Variants in FBN1 observed in about 807,000 individuals in gnomAD.
The protein encoded by FBN1 is fibrillin 1, also known as fibrillin-1.
FBN1 carries 29 observed loss-of-function variants against 365.1 expected under a neutral mutation model. The observed-to-expected ratio is 0.08, with a 90% CI of 0.06 to 0.11. FBN1 has a LOEUF of 0.11. Among genes scored for constraint, FBN1 ranks in the 10% least tolerant of loss-of-function variants. The pLI, the probability that FBN1 is intolerant of heterozygous loss-of-function variation, is 1.00. For synonymous variants in FBN1, 1,210 were observed against 1,270.5 expected (o/e 0.95, Z 1.01); for missense variants, 2,476 against 3,703.2 (o/e 0.67, Z 8.60).
At chr15:48,434,807 T>C in intron 53 of FBN1, 94 bp from the exon 54 acceptor site, 3 of 1,498,480 alleles carry the variant, frequency 2.0e-6, no homozygotes, top group Non-Finnish European at 2.7e-6. Context: ...TTGTTGTTGT[T>C]GTTGTTTTGA....
intron 6 of FBN1, among the ~76,000 whole-genome samples, chr15:48,562,519 A>G (rs556725519): frequency 1.8e-3 from 279 of 152,328 alleles, no homozygotes; most frequent in Admixed American, 3.6e-3. Flanking sequence ...CGCCATCAGC[A>G]AAGGGAAATG....
chr15:48,581,611 C>T (rs550008044), intron 6 of FBN1, among the ~76,000 whole-genome samples: 26 of 152,118 alleles, frequency 1.7e-4, no homozygotes, highest in African/African-American at 6.3e-4. Context: ...CTAAATATTG[C>T]CTAGTTCCCT....
rs530594814 is a variant in FBN1, at chr15:48,577,011, C to T, written c.538+19272G>A. Among the ~76,000 whole-genome samples, 3 of 152,158 alleles carry T rather than the reference C, an allele frequency of 2.0e-5. No homozygotes were observed. In the South Asian group the frequency reaches 6.2e-4, roughly 32 times the overall value. On this transcript the variant is annotated intron_variant, in intron 6 of 65. Coordinates refer to ENST00000316623, the MANE Select transcript of FBN1 (RefSeq NM_000138.5). ...ATTCATGCTTTCCTGCATTAGCATC[C>T]CTTCCAATAGCAATTCTTTTAGAAC...
At chr15:48,522,042 T>C (rs1159927992) in intron 9 of FBN1, among the ~76,000 whole-genome samples, 1 of 152,278 alleles carries the variant, frequency 6.6e-6, no homozygotes, top group South Asian at 2.1e-4. Flanking sequence ...CAGCACTAGA[T>C]TCTCATAGGA....
At chr15:48,489,533 CCTT>C (rs1289436630) in intron 25 of FBN1, among the ~76,000 whole-genome samples, 1 of 152,072 alleles carries the variant, frequency 6.6e-6, no homozygotes, top group Non-Finnish European at 1.5e-5. Context: ...AACACCAAGT[CCTT>C]CTTCAGCAAT....
intron 2 of FBN1, among the ~76,000 whole-genome samples, chr15:48,628,329 G>A (rs1335630691): frequency 6.6e-6 from 1 of 151,138 alleles, no homozygotes; most frequent in Non-Finnish European, 1.5e-5. Context: ...ATTCCTGAGA[G>A]AGCAATGCCG....
intron 32 of FBN1, among the ~76,000 whole-genome samples, chr15:48,475,536 C>T (rs981642955): frequency 6.6e-6 from 1 of 152,136 alleles, no homozygotes; most frequent in African/African-American, 2.4e-5. Flanking sequence ...CCCTCATAAT[C>T]AACTTTGTCA....
intron 60 of FBN1, among the ~76,000 whole-genome samples, chr15:48,423,374 T>G (rs1055117612): frequency 2.0e-5 from 3 of 152,156 alleles, no homozygotes; most frequent in Non-Finnish European, 2.9e-5. Context: ...TCCCGAGACC[T>G]GTCCTAGTTC....
At chr15:48,501,688 A>T (rs2043659552) in intron 17 of FBN1, among the ~76,000 whole-genome samples, 1 of 152,196 alleles carries the variant, frequency 6.6e-6, no homozygotes, top group African/African-American at 2.4e-5. Flanking sequence ...AGGTTCCTGG[A>T]TTCTAAATCT....
chr15:48,525,034 A>G, intron 9 of FBN1, among the ~76,000 whole-genome samples: 1 of 152,172 alleles, frequency 6.6e-6, no homozygotes. Flanking sequence ...TTAATCTAGA[A>G]CACTGCACTT....
rs1012775082 is a variant in FBN1 at position 48,585,405 on chromosome 15, A to AT, written c.538+10877dup. On this transcript the variant is annotated intron_variant, in intron 6 of 65. Transcript: ENST00000316623. ...GAATATGGCAGGAAAGTTGGAGAAC[A>AT]TTTTTTTTCATGCGTTCACTTCCTA... Among the ~76,000 whole-genome samples, 12 of 152,242 alleles carry AT rather than the reference A, an allele frequency of 7.9e-5. No individual in the cohort carries two copies. The East Asian group carries it at 2.3e-3, about 29-fold the overall frequency.
intron 9 of FBN1, among the ~76,000 whole-genome samples, chr15:48,523,936 T>A (rs2043884498): frequency 6.6e-6 from 1 of 152,170 alleles, no homozygotes; most frequent in African/African-American, 2.4e-5. Context: ...TGGCCCTTAT[T>A]CTCAGGACCC....
At position 48,437,304 on chromosome 15, in the gene FBN1, C is replaced by A. The variant is rs2043081055; in HGVS notation, c.6379+18G>T. 3.7e-6 allele frequency: 6 copies of A among 1,600,518 alleles called. No individual in the cohort carries two copies. Among genetic ancestry groups the A allele is most frequent in the Non-Finnish European group, 4.3e-6 (5 of 1,168,006 alleles). ...GAGAATACTGAGAAATGCTGAGAAT[C>A]CAGCACAGGCAACTGACCAACTGCT... On this transcript the variant is annotated intron_variant, in intron 52 of 65. Coordinates refer to ENST00000316623, the MANE Select transcript of FBN1 (RefSeq NM_000138.5).
chr15:48,532,297 T>A (rs1484945902), intron 8 of FBN1, among the ~76,000 whole-genome samples: 1 of 152,246 alleles, frequency 6.6e-6, no homozygotes, highest in Admixed American at 6.5e-5. Flanking sequence ...TGAAGCTGAT[T>A]ATATATTCTG....
intron 53 of FBN1, among the ~76,000 whole-genome samples, chr15:48,436,642 T>G (rs1437435946): frequency 6.6e-6 from 1 of 152,220 alleles, no homozygotes; most frequent in Non-Finnish European, 1.5e-5. Context: ...TTTAAAAAAT[T>G]TCACAAAGAC....
intron 6 of FBN1, among the ~76,000 whole-genome samples, chr15:48,566,647 C>T (rs1445995839): frequency 2.0e-5 from 3 of 152,128 alleles, no homozygotes; most frequent in African/African-American, 7.2e-5. Context: ...GCAAATGAAA[C>T]CATAATTCTC....
At chr15:48,505,298 C>A (rs945429869) in intron 15 of FBN1, 151 bp from the exon 16 acceptor site, 4 of 913,178 alleles carry the variant, frequency 4.4e-6, no homozygotes, top group Middle Eastern at 6.2e-4. Flanking sequence ...TTCTCATTTT[C>A]CTTTGAAAGA....
In FBN1 at chr15:48,644,637, T is replaced by C. The variant is rs1597652333; in HGVS notation, c.133A>G (p.Arg45Gly). ...KETRASRAKR[R>G]GGGGHDALKG... Reference sequence around the variant, plus strand: ...AGCGCGTCGTGTCCTCCACCGCCTCTTCTCTTGGCCCGACTGGCTCTGGTT... The same window carrying C: ...AGCGCGTCGTGTCCTCCACCGCCTCCTCTCTTGGCCCGACTGGCTCTGGTT... The change falls in exon 2 of 66, where the codon AGA becomes GGA. Residue 45 changes from arginine to glycine, a missense_variant. Transcript: ENST00000316623. 5 of 1,613,946 alleles carry C rather than the reference T, an allele frequency of 3.1e-6. No individual in the cohort carries two copies. Among genetic ancestry groups the C allele is most frequent in the East Asian group, 2.2e-5 (1 of 44,856 alleles).
rs1323249869 is a variant in FBN1 at position 48,477,833 on chromosome 15, C to G, written c.3965-3183G>C. On this transcript the variant is annotated intron_variant, in intron 32 of 65. Transcript: ENST00000316623. ...ATTCAAACTTAAAGTGACACCGCAACCTTCTTAACCCCACCAAACCTTTGT... is the reference window on the plus strand; with the variant it reads ...ATTCAAACTTAAAGTGACACCGCAAGCTTCTTAACCCCACCAAACCTTTGT... Among the ~76,000 whole-genome samples the G allele has an allele frequency of 2.0e-5, 3 of 152,320 alleles. No homozygotes were observed. In the East Asian group the frequency reaches 5.8e-4, roughly 29 times the overall value.
Sources: gnomAD v4.1 joint callset for allele counts (sites outside exome capture counted in the v4.1 genomes callset) on GRCh38, gnomAD v4.1.1 for gene constraint, MANE v1.5 for transcripts, NCBI Gene and HGNC (gene_info 2026-07-23, HGNC 2026-07-21) for gene names.